Variants in ARFGAP3 observed in about 807,000 individuals in gnomAD.
The protein encoded by ARFGAP3 is ADP-ribosylation factor GTPase-activating protein 3.
A neutral mutation model predicts 75.0 loss-of-function variants in ARFGAP3; 72 were observed. The ratio of observed to expected loss-of-function variants is 0.96; its 90% CI spans 0.79 to 1.17. The LOEUF (loss-of-function observed/expected upper bound fraction) is 1.17, where lower values mean the gene tolerates loss of function less well. ARFGAP3 is among the 50% of genes most tolerant of loss of function. The pLI, the probability that ARFGAP3 is intolerant of heterozygous loss-of-function variation, is 0.00. For synonymous variants in ARFGAP3, 221 were observed against 217.9 expected, an observed-to-expected ratio of 1.01 and a Z score of -0.13; for missense variants, 620 against 626.6, an observed-to-expected ratio of 0.99 and a Z score of 0.11.
At position 42,807,100 on chromosome 22, in the gene ARFGAP3, A is replaced by G. The variant is rs1322101463; in HGVS notation, c.1384T>C (p.Phe462Leu). ...ASSSISSADL[F>L]EEPRKQPAGN... is the part of the protein sequence containing the mutation. ...GCTGGCTGCTTCCTCGGCTCCTCGA[A>G]CAGATCAGCCGAGCTTATGGAGGAA... Residue 462 changes from phenylalanine to leucine, a missense_variant, in exon 14 of 16, where the codon TTC becomes CTC. Physicochemically the swap from Phe to Leu is conservative, Grantham distance 22. Coordinates refer to ENST00000263245, the MANE Select transcript of ARFGAP3 (RefSeq NM_014570.5). 1.2e-6 allele frequency: 2 copies of G among 1,612,574 alleles called. No individual in the cohort carries two copies. Among genetic ancestry groups the G allele is most frequent in the East Asian group, 2.2e-5 (1 of 44,882 alleles).
In ARFGAP3 at chr22:42,800,312, T is replaced by C. The variant is rs1175714126; in HGVS notation, c.1412-1152A>G. 3.3e-5 allele frequency among the ~76,000 whole-genome samples: 5 copies of C among 152,222 alleles called. No homozygotes were observed. The South Asian group carries it at 8.3e-4, about 25-fold the overall frequency. ...TGGGAGGCTGAGGTGGGAGGATCAC[T>C]TGAGGTCAGGAGTTCAAGACCAGCC... On this transcript the variant is annotated intron_variant, in intron 14 of 15. Coordinates refer to ENST00000263245, the MANE Select transcript of ARFGAP3 (RefSeq NM_014570.5).
chr22:42,820,932 C>T (rs548043501), intron 9 of ARFGAP3, among the ~76,000 whole-genome samples: 233 of 152,284 alleles, frequency 1.5e-3, no homozygotes, highest in African/African-American at 5.4e-3. Context: ...CTCATTCTCC[C>T]GAGACGCCCC....
In ARFGAP3 at chr22:42,823,691, T is replaced by C. The variant is rs919575760; in HGVS notation, c.637A>G (p.Ile213Val). 22 of 1,573,698 alleles carry C rather than the reference T, an allele frequency of 1.4e-5. No homozygotes were observed. Among genetic ancestry groups the C allele is most frequent in the Non-Finnish European group, 1.7e-5 (20 of 1,157,302 alleles). Reference sequence around the variant, plus strand: ...GCTTGATTTGGTTTCTTTTTTATGATAGAGGATACCTCTGCCAAAAAATAA... The same window carrying C: ...GCTTGATTTGGTTTCTTTTTTATGACAGAGGATACCTCTGCCAAAAAATAA... ...PTKATLEVSSIIKKKPNQAKK... is the reference protein window; with the variant it reads ...PTKATLEVSSVIKKKPNQAKK... The change falls in exon 8 of 16, where the codon ATC becomes GTC. Residue 213 changes from isoleucine to valine, a missense_variant. Physicochemically the swap from Ile to Val is conservative, Grantham distance 29 (BLOSUM62 3). Coordinates refer to ENST00000263245, the MANE Select transcript of ARFGAP3 (RefSeq NM_014570.5).
At position 42,847,509 on chromosome 22, in the gene ARFGAP3, C is replaced by T. The variant is rs952011077; in HGVS notation, c.188+5G>A. 1.9e-6 allele frequency: 3 copies of T among 1,609,302 alleles called. No homozygotes were observed. Among genetic ancestry groups the T allele is most frequent in the African/African-American group, 1.3e-5 (1 of 74,748 alleles). ...TCTCACCCCAATGAGAGAAGATTCA[C>T]TTACCGAATAAAACTCAAGTGAACA... On this transcript the variant is annotated splice_donor_5th_base_variant and intron_variant, in intron 2 of 15. Coordinates refer to ENST00000263245, the MANE Select transcript of ARFGAP3 (RefSeq NM_014570.5).
chr22:42,817,238 T>C lies in ARFGAP3; in HGVS notation c.968A>G (p.Asp323Gly), dbSNP rs931039997. ...RSVISHSVTS[D>G]MQTIEQESPI... ...TGATTCCTGCTCTATGGTCTGCATA[T>C]CTGAAGTCACTGAATGTGAAATAAC... Residue 323 changes from aspartate to glycine, a missense_variant, in exon 11 of 16, where the codon GAT becomes GGT. By Grantham distance (94) the Asp-to-Gly change is moderately conservative (BLOSUM62 -1). Coordinates refer to ENST00000263245, the MANE Select transcript of ARFGAP3 (RefSeq NM_014570.5). 1.2e-6 allele frequency: 2 copies of C among 1,611,872 alleles called. No homozygotes were observed. Among genetic ancestry groups the C allele is most frequent in the African/African-American group, 2.7e-5 (2 of 74,898 alleles).
intron 11 of ARFGAP3, among the ~76,000 whole-genome samples, chr22:42,811,405 C>A (rs2146535053): frequency 6.6e-6 from 1 of 152,334 alleles, no homozygotes; most frequent in Middle Eastern, 3.4e-3. Flanking sequence ...ATGTTATCTA[C>A]CACAGGTTAC....
At chr22:42,842,106 G>A (rs1926808938) in intron 2 of ARFGAP3, among the ~76,000 whole-genome samples, 1 of 149,334 alleles carries the variant, frequency 6.7e-6, no homozygotes, top group African/African-American at 2.5e-5. Flanking sequence ...CTGGGTTCAA[G>A]TGATTCTCCT....
intron 11 of ARFGAP3, among the ~76,000 whole-genome samples, chr22:42,811,851 C>T (rs551136453): frequency 2.0e-5 from 3 of 152,178 alleles, no homozygotes; most frequent in African/African-American, 7.2e-5. Flanking sequence ...GACTGACAGG[C>T]GAGGTGGATG....
intron 3 of ARFGAP3, among the ~76,000 whole-genome samples, chr22:42,835,972 A>ATTTC (rs1179699923): frequency 6.0e-5 from 8 of 133,840 alleles, no homozygotes; most frequent in Admixed American, 2.5e-4. Context: ...CGAGCAATCC[A>ATTTC]TTTCTTTCTT....
At position 42,799,090 on chromosome 22, in the gene ARFGAP3, C is replaced by T. The variant is rs778561170; in HGVS notation, c.1482G>A (p.Ser494=). 43 of 1,614,046 alleles carry T rather than the reference C, an allele frequency of 2.7e-5. No homozygotes were observed. The highest frequency in any genetic ancestry group is 3.2e-5 in the Non-Finnish European group (38 of 1,180,036). ...DMAQFKQGVR[S]VAGKLSVFAN... is the part of the protein sequence containing the mutation. ...CAAAGACGGAGAGTTTTCCAGCAACCGATCTCACTCCCTGCTTGAACTGCG... is the reference window on the plus strand; with the variant it reads ...CAAAGACGGAGAGTTTTCCAGCAACTGATCTCACTCCCTGCTTGAACTGCG... Residue 494 remains serine (S), a synonymous_variant, in exon 15 of 16, where the codon TCG becomes TCA. Coordinates refer to ENST00000263245, the MANE Select transcript of ARFGAP3 (RefSeq NM_014570.5).
At chr22:42,797,813 A>G in intron 15 of ARFGAP3, 4 of 886,122 alleles carry the variant, frequency 4.5e-6, no homozygotes, top group Non-Finnish European at 4.1e-6. Context: ...AGAACCCAAC[A>G]GGATTCACAT....
intron 3 of ARFGAP3, 120 bp downstream of exon 3, chr22:42,840,824 G>C (rs1926748366): frequency 9.5e-7 from 1 of 1,057,200 alleles, no homozygotes; most frequent in Admixed American, 2.6e-5. Flanking sequence ...TGTAATTTCA[G>C]CCTCCCAAAT....
At chr22:42,817,490 T>C (rs982620045) in intron 10 of ARFGAP3, 1 of 236,374 alleles carries the variant, frequency 4.2e-6, no homozygotes, top group Non-Finnish European at 6.9e-6. Context: ...GTTATGTCCA[T>C]GGTTTCCTCT....
At chr22:42,804,805 C>A (rs761935232) in intron 14 of ARFGAP3, among the ~76,000 whole-genome samples, 1 of 151,978 alleles carries the variant, frequency 6.6e-6, no homozygotes, top group Non-Finnish European at 1.5e-5. Context: ...TGTGAGTCAC[C>A]GTGCCTTGCC....
chr22:42,814,072 G>A (rs968741375), intron 11 of ARFGAP3, among the ~76,000 whole-genome samples: 1 of 152,100 alleles, frequency 6.6e-6, no homozygotes, highest in Admixed American at 6.5e-5. Flanking sequence ...ATAAGGCTGA[G>A]CAAATTGTTC....
At chr22:42,856,456 G>A (rs1927503670) in intron 1 of ARFGAP3, among the ~76,000 whole-genome samples, 1 of 152,038 alleles carries the variant, frequency 6.6e-6, no homozygotes, top group South Asian at 2.1e-4. Flanking sequence ...CCAGCCAGCT[G>A]CGCAAAGCTG....
At chr22:42,854,540 G>A (rs1376529099) in intron 1 of ARFGAP3, among the ~76,000 whole-genome samples, 2 of 151,940 alleles carry the variant, frequency 1.3e-5, no homozygotes, top group East Asian at 1.9e-4. Flanking sequence ...CAAGAGAATC[G>A]CTTGAACCTG....
intron 11 of ARFGAP3, among the ~76,000 whole-genome samples, chr22:42,814,370 A>G (rs1043155126): frequency 1.2e-4 from 19 of 152,314 alleles, no homozygotes; most frequent in African/African-American, 4.3e-4. Context: ...TCACCATGCC[A>G]AGGAGGACTA....
intron 1 of ARFGAP3, among the ~76,000 whole-genome samples, chr22:42,849,472 CT>C (rs1332803433): frequency 2.5e-5 from 3 of 118,332 alleles, no homozygotes; most frequent in Admixed American, 1.7e-4. Flanking sequence ...ATCTTTATGG[CT>C]TTTTTTCTTT....
Sources: gnomAD v4.1 joint callset for allele counts (sites outside exome capture counted in the v4.1 genomes callset) on GRCh38, gnomAD v4.1.1 for gene constraint, MANE v1.5 for transcripts, NCBI Gene and HGNC (gene_info 2026-07-23, HGNC 2026-07-21) for gene names.